KATNAL2: variants seen among roughly 807,000 people sequenced by gnomAD.
KATNAL2 encodes the protein katanin p60 ATPase-containing subunit A-like 2.
In KATNAL2, 52 loss-of-function variants were observed where a neutral mutation model predicts 76.3. That is an observed-to-expected ratio of 0.68 (90% CI 0.55 to 0.86). KATNAL2 has a LOEUF of 0.86. Ranked by LOEUF, KATNAL2 falls within the 40% of genes least tolerant of loss-of-function variation. The pLI is 0.00. For missense variants in KATNAL2, 660 were observed against 668.9 expected, an observed-to-expected ratio of 0.99 and a Z score of 0.15; for synonymous variants, 243 against 244.2, an observed-to-expected ratio of 1.00 and a Z score of 0.05.
At chr18:47,097,235 C>A (rs1376534400) in intron 15 of KATNAL2, among the ~76,000 whole-genome samples, 2 of 151,648 alleles carry the variant, frequency 1.3e-5, no homozygotes, top group Non-Finnish European at 2.9e-5. Context: ...GATGCTAAAA[C>A]CATTAGTTGA....
chr18:46,932,275 C>A (rs1000068562), intron 1 of KATNAL2, among the ~76,000 whole-genome samples: 5 of 151,960 alleles, frequency 3.3e-5, no homozygotes, highest in Non-Finnish European at 7.4e-5. Flanking sequence ...TAGGAGCCAA[C>A]CATAATTATA....
At chr18:46,922,876 T>C (rs2058612140) in intron 1 of KATNAL2, among the ~76,000 whole-genome samples, 1 of 148,464 alleles carries the variant, frequency 6.7e-6, no homozygotes, top group South Asian at 2.1e-4. Context: ...AGATTTATAA[T>C]TTAATATATA....
intron 5 of KATNAL2, 97 bp downstream of exon 5, chr18:47,053,143 G>C: frequency 9.8e-7 from 1 of 1,018,696 alleles, no homozygotes; most frequent in South Asian, 1.7e-5. Flanking sequence ...CCCTCACCCT[G>C]CACCAAAGGA....
chr18:47,038,282 G>A (rs868260605), intron 3 of KATNAL2, among the ~76,000 whole-genome samples: 5 of 152,112 alleles, frequency 3.3e-5, no homozygotes, highest in Admixed American at 2.0e-4. Flanking sequence ...TATTTATCCT[G>A]ATTAACTGTG....
At chr18:47,090,174 T>A (rs2062939444) in intron 15 of KATNAL2, among the ~76,000 whole-genome samples, 1 of 152,094 alleles carries the variant, frequency 6.6e-6, no homozygotes, top group Non-Finnish European at 1.5e-5. Context: ...TGGCATGATC[T>A]TGGCTCACTG....
chr18:47,040,276 G>A (rs1323898594), intron 3 of KATNAL2, among the ~76,000 whole-genome samples: 4 of 152,316 alleles, frequency 2.6e-5, no homozygotes, highest in South Asian at 2.1e-4. Context: ...AGGAAAGACC[G>A]GCTGGTAACC....
At chr18:47,036,661 G>T (rs1221774311) in intron 3 of KATNAL2, among the ~76,000 whole-genome samples, 3 of 152,202 alleles carry the variant, frequency 2.0e-5, no homozygotes, top group Non-Finnish European at 4.4e-5. Context: ...TTGGTATCTG[G>T]ATCGGACTTT....
At chr18:46,946,616 C>T (rs2059387023) in intron 2 of KATNAL2, 70 bp downstream of exon 2, 4 of 955,180 alleles carry the variant, frequency 4.2e-6, no homozygotes, top group Non-Finnish European at 3.7e-6. Flanking sequence ...CAAAGCCCGC[C>T]CTGTGCTCTA....
At chr18:47,062,408 TC>T (rs2061662888) in intron 8 of KATNAL2, among the ~76,000 whole-genome samples, 2 of 151,306 alleles carry the variant, frequency 1.3e-5, no homozygotes, top group African/African-American at 4.8e-5. Flanking sequence ...TTAGAAATAA[TC>T]CTCACAGGAT....
chr18:46,955,521 G>A (rs545336655), intron 3 of KATNAL2, among the ~76,000 whole-genome samples: 7 of 151,120 alleles, frequency 4.6e-5, no homozygotes, highest in Admixed American at 3.3e-4. Flanking sequence ...CGCGCCTGAC[G>A]CTTCCTTCCT....
intron 3 of KATNAL2, chr18:47,035,053 G>A (rs1195999242): frequency 6.2e-7 from 1 of 1,611,850 alleles, no homozygotes. Flanking sequence ...CTTCCACCGG[G>A]CCGCTAAGTC....
At chr18:47,032,006 A>T (rs2060486168) in intron 3 of KATNAL2, among the ~76,000 whole-genome samples, 1 of 152,184 alleles carries the variant, frequency 6.6e-6, no homozygotes. Context: ...CGTCCGTGTG[A>T]TCTGAACTCA....
intron 17 of KATNAL2, 94 bp from the exon 18 acceptor site, chr18:47,100,772 T>C (rs2063423009): frequency 2.8e-6 from 4 of 1,415,904 alleles, no homozygotes; most frequent in Non-Finnish European, 3.9e-6. Context: ...TGCTGCATTA[T>C]GCATTATTTT....
rs2059376616 is a variant in KATNAL2, at chr18:46,946,069, T to TG, written c.-496dup. ...TTTTTTTTTGTAGATTGAGGAAACTTGAATATTTTTGTATCCTGAAGGGAG... is the reference window on the plus strand; with the variant it reads ...TTTTTTTTTGTAGATTGAGGAAACTTGGAATATTTTTGTATCCTGAAGGGAG... On this transcript the variant is annotated 5_prime_UTR_variant, in exon 2 of 18. An upstream open reading frame in the 5' UTR gains an earlier in-frame stop. Coordinates refer to ENST00000683218, the MANE Select transcript of KATNAL2 (RefSeq NM_001387690.1). 2.5e-6 allele frequency: 1 copy of TG among 393,544 alleles called. No homozygotes were observed. Among genetic ancestry groups the TG allele is most frequent in the Non-Finnish European group, 3.5e-6 (1 of 288,130 alleles). 24.4% of individuals were successfully genotyped at this position (393,544 alleles called of 1,614,324 possible). A position where few individuals can be genotyped will look rare whatever the true frequency, so the allele number is the denominator to read the frequency against.
At chr18:47,070,528 C>G (rs2571011) in intron 13 of KATNAL2, among the ~76,000 whole-genome samples, 26,355 of 152,098 alleles carry the variant, frequency 0.17, 2,606 homozygotes, top group Non-Finnish European at 0.23. Flanking sequence ...GGTTTAGGTC[C>G]CAGTGTAAGA....
intron 10 of KATNAL2, among the ~76,000 whole-genome samples, chr18:47,065,055 T>C (rs1343030490): frequency 2.0e-5 from 3 of 152,218 alleles, no homozygotes; most frequent in Non-Finnish European, 4.4e-5. Context: ...CTGGTGGGCC[T>C]GCATGTAGAT....
chr18:47,086,897 C>A (rs577064971), intron 15 of KATNAL2, among the ~76,000 whole-genome samples: 20 of 152,214 alleles, frequency 1.3e-4, no homozygotes, highest in Non-Finnish European at 2.9e-4. Flanking sequence ...CAGACAAAAA[C>A]AACTTTCAAC....
At chr18:47,034,551 A>T (rs748815736) in intron 3 of KATNAL2, 4 of 1,614,102 alleles carry the variant, frequency 2.5e-6, no homozygotes, top group Non-Finnish European at 3.4e-6. Flanking sequence ...CTCCCTGGGC[A>T]CACAAGGGGC....
intron 3 of KATNAL2, among the ~76,000 whole-genome samples, chr18:46,959,302 C>A (rs1355551690): frequency 6.6e-6 from 1 of 152,174 alleles, no homozygotes; most frequent in Non-Finnish European, 1.5e-5. Context: ...GGAAGATTAA[C>A]CCCTTCAATT....
Sources: allele counts gnomAD v4.1 joint callset (sites outside exome capture counted in the v4.1 genomes callset), GRCh38; gene constraint gnomAD v4.1.1; transcripts MANE v1.5; gene names NCBI Gene and HGNC (gene_info 2026-07-23, HGNC 2026-07-21).